CD207: variants seen among roughly 807,000 people sequenced by gnomAD.
The protein encoded by CD207 is C-type lectin domain family 4 member K.
A neutral mutation model predicts 31.6 loss-of-function variants in CD207; 28 were observed. The observed-to-expected ratio is 0.89, with a 90% confidence interval of 0.66 to 1.21. CD207 has a LOEUF of 1.21. Ranked by LOEUF, CD207 falls within the 50% of genes most tolerant of loss-of-function variation. The pLI is 0.00. For missense variants in CD207, 388 were observed against 397.8 expected (o/e 0.98, Z 0.21); for synonymous variants, 168 against 153.9 (o/e 1.09, Z -0.68).
In CD207 at chr2:70,830,912, C is replaced by T; in HGVS notation, c.*138G>A. The T allele has an allele frequency of 2.7e-6, 2 of 749,816 alleles. No individual in the cohort carries two copies. Among genetic ancestry groups the T allele is most frequent in the East Asian group, 2.7e-5 (1 of 36,654 alleles). The allele number at this position is 749,816 out of a possible 1,614,324, so 46.4% of individuals were successfully genotyped here. ...ATTTCCAGCCAAGACAGACGGACTC[C>T]AGAATGCCACTGTGGGACAATTTTG... On this transcript the variant is annotated 3_prime_UTR_variant, in exon 6 of 6. Coordinates refer to ENST00000410009, the MANE Select transcript of CD207 (RefSeq NM_015717.5).
chr2:70,827,875 T>A (rs782578014), downstream of CD207, among the ~76,000 whole-genome samples: 12 of 152,102 alleles, frequency 7.9e-5, no homozygotes, highest in Non-Finnish European at 1.3e-4. Context: ...GACTAGTTGG[T>A]CAGTGGGGGT....
chr2:70,827,138 C>A (rs1677364388), downstream of CD207, among the ~76,000 whole-genome samples: 1 of 152,120 alleles, frequency 6.6e-6, no homozygotes, highest in Non-Finnish European at 1.5e-5. Context: ...CGTCTGTGTC[C>A]CCATCCCACT....
At chr2:70,824,244 C>T in the CD207 span, among the ~76,000 whole-genome samples, 11 of 149,956 alleles carry the variant, frequency 7.3e-5, no homozygotes, top group African/African-American at 9.8e-5. Flanking sequence ...CTACAAAATA[C>T]AGCAACAACA....
chr2:70,832,903 C>G lies in CD207; in HGVS notation c.714G>C (p.Glu238Asp), dbSNP rs1442651567. 1 of 1,612,942 alleles carries G rather than the reference C, an allele frequency of 6.2e-7. No individual in the cohort carries two copies. Among genetic ancestry groups the G allele is most frequent in the East Asian group, 2.2e-5 (1 of 44,896 alleles). The change falls in exon 4 of 6, where the codon GAG (glutamate) becomes GAC (aspartate). Residue 238 changes from glutamate to aspartate, a missense_variant. By Grantham distance (45) the Glu-to-Asp change is conservative (BLOSUM62 2). Coordinates refer to ENST00000410009, the MANE Select transcript of CD207 (RefSeq NM_015717.5). ...SHLTSVTSES[E>D]QEFLYKTAGG... is the part of the protein sequence containing the mutation. ...AGCCCATAGGCACAGCACTCACCTGCTCACTCTCTGAGGTCACCGAGGTCA... is the reference window on the plus strand; with the variant it reads ...AGCCCATAGGCACAGCACTCACCTGGTCACTCTCTGAGGTCACCGAGGTCA...
At chr2:70,832,147 G>C (rs1375230093) in intron 4 of CD207, among the ~76,000 whole-genome samples, 1 of 152,216 alleles carries the variant, frequency 6.6e-6, no homozygotes, top group Non-Finnish European at 1.5e-5. Flanking sequence ...AATTAAATGA[G>C]CCCTGAATCC....
chr2:70,826,370 TAATTA>T (rs570203034), downstream of CD207, among the ~76,000 whole-genome samples: 1,987 of 103,386 alleles, frequency 0.019, 48 homozygotes, highest in African/African-American at 0.061. Context: ...AATAAATAAA[TAATTA>T]AATTAAATTA....
downstream of CD207, among the ~76,000 whole-genome samples, chr2:70,825,740 T>A (rs1462278662): frequency 6.6e-6 from 1 of 152,054 alleles, no homozygotes; most frequent in Admixed American, 6.6e-5. Context: ...AGGGTCTCCC[T>A]ATGTTGCCCA....
intron 2 of CD207, among the ~76,000 whole-genome samples, chr2:70,834,571 C>T (rs1460174580): frequency 6.6e-6 from 1 of 152,134 alleles, no homozygotes; most frequent in African/African-American, 2.4e-5. Context: ...GAGGAGATTA[C>T]AAAACTGTTT....
chr2:70,827,149 CT>C (rs1677364496), downstream of CD207, among the ~76,000 whole-genome samples: 1 of 152,210 alleles, frequency 6.6e-6, no homozygotes, highest in Non-Finnish European at 1.5e-5. Flanking sequence ...CCATCCCACT[CT>C]GCCTAAATTC....
At chr2:70,831,849 C>A in intron 4 of CD207, 30 bp from the exon 5 acceptor site, 2 of 1,388,746 alleles carry the variant, frequency 1.4e-6, no homozygotes, top group Non-Finnish European at 2.1e-6. Context: ...AGCAGAGGTG[C>A]GGCCACACTT....
chr2:70,832,237 T>C (rs1455797979), intron 4 of CD207, among the ~76,000 whole-genome samples: 2 of 152,182 alleles, frequency 1.3e-5, no homozygotes, highest in East Asian at 3.9e-4. Flanking sequence ...GCATGTTTCA[T>C]CAAGTGAGGG....
At chr2:70,834,114 G>A in intron 2 of CD207, 94 bp from the exon 3 acceptor site, 2 of 1,196,334 alleles carry the variant, frequency 1.7e-6, no homozygotes, top group Non-Finnish European at 1.1e-6. Flanking sequence ...GAAGGAATAG[G>A]CTGAAGCTTC....
In CD207 at chr2:70,833,904, C is replaced by T; in HGVS notation, c.307G>A (p.Glu103Lys). ...ATCTGGATCTGAACGCCAGCTGCCTCCATGCCGTCACTATTCTTTTTAATT... is the reference window on the plus strand; with the variant it reads ...ATCTGGATCTGAACGCCAGCTGCCTTCATGCCGTCACTATTCTTTTTAATT... ...SEIKKNSDGM[E>K]AAGVQIQMVN... The change falls in exon 3 of 6, where the codon GAG becomes AAG. Residue 103 changes from glutamate (E) to lysine (K), a missense_variant. Coordinates refer to ENST00000410009, the MANE Select transcript of CD207 (RefSeq NM_015717.5). 1 of 1,604,800 alleles carries T rather than the reference C, an allele frequency of 6.2e-7. No homozygotes were observed. The highest frequency in any genetic ancestry group is 8.5e-7 in the Non-Finnish European group (1 of 1,174,350).
the CD207 span, among the ~76,000 whole-genome samples, chr2:70,824,525 A>C: frequency 4.0e-5 from 6 of 150,222 alleles, no homozygotes; most frequent in Admixed American, 1.3e-4. Flanking sequence ...ACCAGGGCTC[A>C]TTAGAGAAAT....
In CD207 at chr2:70,831,811, C is replaced by A. The variant is rs1401216768; in HGVS notation, c.726G>T (p.Leu242=). ...SVTSESEQEF[L]YKTAGGLIYW... is the part of the protein sequence containing the mutation. ...AGATGAGTCCCCCCGCTGTTTTATA[C>A]AGAAACTCCTGTAGGAAAGACAGGA... Residue 242 remains leucine (L), a synonymous_variant, in exon 5 of 6, where the codon CTG becomes CTT. Coordinates refer to ENST00000410009, the MANE Select transcript of CD207 (RefSeq NM_015717.5). 3 of 1,599,474 alleles carry A rather than the reference C, an allele frequency of 1.9e-6. No individual in the cohort carries two copies. The highest frequency in any genetic ancestry group is 1.3e-5 in the African/African-American group (1 of 74,526).
Position 70,833,745 on chromosome 2 carries a change from C to A in CD207, c.466G>T (p.Glu156Ter). 6.2e-7 allele frequency: 1 copy of A among 1,614,032 alleles called. No homozygotes were observed. The highest frequency in any genetic ancestry group is 8.5e-7 in the Non-Finnish European group (1 of 1,179,900). The change falls in exon 3 of 6, where the codon GAG becomes TAG. Residue 156 changes from glutamate (E) to a stop codon, truncating the protein, a stop_gained. Coordinates refer to ENST00000410009, the MANE Select transcript of CD207 (RefSeq NM_015717.5). LOFTEE classifies it high-confidence loss of function. ...GCTTTCTCCAAATCACTTTTTAACT[C>A]TGGGATTTGGGCATTTAAGGTACTG... ...EVSTLNAQIP[E>*]LKSDLEKASA...
chr2:70,824,586 C>T, the CD207 span, among the ~76,000 whole-genome samples: 1 of 103,392 alleles, frequency 9.7e-6, no homozygotes, highest in African/African-American at 3.7e-5. Context: ...CCTGGAGCAT[C>T]TTGTAGTACC....
intron 3 of CD207, 31 bp downstream of exon 3, chr2:70,833,615 C>A: frequency 1.3e-6 from 2 of 1,563,802 alleles, no homozygotes; most frequent in South Asian, 1.2e-5. Flanking sequence ...GGCCACTGGT[C>A]AGCTTCAATG....
At chr2:70,832,070 C>A (rs913137138) in intron 4 of CD207, among the ~76,000 whole-genome samples, 2 of 152,226 alleles carry the variant, frequency 1.3e-5, no homozygotes, top group East Asian at 3.8e-4. Flanking sequence ...GGTGCTGAAG[C>A]ACAGGAAGGC....
Sources: allele counts gnomAD v4.1 joint callset (sites outside exome capture counted in the v4.1 genomes callset), GRCh38; gene constraint gnomAD v4.1.1; transcripts MANE v1.5; gene names NCBI Gene and HGNC (gene_info 2026-07-23, HGNC 2026-07-21).